Variants in APP observed in about 807,000 individuals in gnomAD.
APP encodes amyloid-beta precursor protein.
A neutral mutation model predicts 101.4 loss-of-function variants in APP; 31 were observed. The observed-to-expected ratio is 0.31, with a 90% CI of 0.23 to 0.41. The LOEUF (loss-of-function observed/expected upper bound fraction) is 0.41, where lower values mean the gene tolerates loss of function less well. APP is among the 10% of genes least tolerant of loss of function. The probability of loss-of-function intolerance (pLI) is 1.00; values close to 1 mark genes in which losing one functional copy is unlikely to be tolerated. For synonymous variants in APP, 366 were observed against 364.4 expected (o/e 1.00, Z -0.05); for missense variants, 839 against 1,003.7 (o/e 0.84, Z 2.22).
intron 16 of APP, among the ~76,000 whole-genome samples, chr21:25,895,123 T>A (rs1053994823): frequency 6.8e-6 from 1 of 147,058 alleles, no homozygotes; most frequent in African/African-American, 2.5e-5. Flanking sequence ...TTTTTTTTTT[T>A]AGACATAATG....
rs34453423 is a variant in APP, at chr21:26,126,977, C to CAA, written c.58-14833_58-14832dup. 4.1e-3 allele frequency among the ~76,000 whole-genome samples: 593 copies of CAA among 143,004 alleles called. 15 individuals carry two copies. In the East Asian group the frequency reaches 0.051, roughly 12 times the overall value. 93.8% of individuals were successfully genotyped at this position (143,004 alleles called of 152,430 possible). ...AAATACAGCCTCCCTTCCACAGAAG[C>CAA]AAAAAAAAAAAACGTTAATTTTTAA... On this transcript the variant is annotated intron_variant, in intron 1 of 17. Transcript: ENST00000346798.
At chr21:26,058,171 A>G (rs1478147078) in intron 3 of APP, among the ~76,000 whole-genome samples, 1 of 152,230 alleles carries the variant, frequency 6.6e-6, no homozygotes. Context: ...CAGAAATTCA[A>G]GACTCTGTGT....
intron 13 of APP, among the ~76,000 whole-genome samples, chr21:25,912,868 G>C (rs1168026293): frequency 6.6e-6 from 1 of 151,760 alleles, no homozygotes; most frequent in East Asian, 1.9e-4. Flanking sequence ...ACTGACCCCA[G>C]GATATGAAGA....
At chr21:25,886,767 G>T (rs1052069529) in intron 17 of APP, among the ~76,000 whole-genome samples, 6 of 144,868 alleles carry the variant, frequency 4.1e-5, no homozygotes, top group Non-Finnish European at 7.8e-5. Flanking sequence ...CCACTCCTAG[G>T]TTCTGCACCC....
chr21:26,156,239 C>G (rs1173249846), intron 1 of APP, among the ~76,000 whole-genome samples: 2 of 152,078 alleles, frequency 1.3e-5, no homozygotes, highest in African/African-American at 4.8e-5. Flanking sequence ...AAAATGAACT[C>G]GTATGAATAG....
chr21:26,120,723 AT>A (rs2062546894), intron 1 of APP, among the ~76,000 whole-genome samples: 1 of 151,936 alleles, frequency 6.6e-6, no homozygotes, highest in African/African-American at 2.4e-5. Context: ...TTTAAAAAAA[AT>A]TAAACATATT....
chr21:25,965,012 G>T (rs991985775), intron 11 of APP, among the ~76,000 whole-genome samples: 1 of 152,174 alleles, frequency 6.6e-6, no homozygotes, highest in Non-Finnish European at 1.5e-5. Flanking sequence ...AGTGAAGGCA[G>T]CATATAGAAC....
chr21:25,999,065 T>C (rs1601160505), intron 7 of APP, among the ~76,000 whole-genome samples: 1 of 152,104 alleles, frequency 6.6e-6, no homozygotes, highest in Non-Finnish European at 1.5e-5. Context: ...CCAAGGCAGG[T>C]GGATCACTTG....
chr21:25,993,456 A>G (rs1378704027), intron 8 of APP, among the ~76,000 whole-genome samples: 2 of 152,196 alleles, frequency 1.3e-5, no homozygotes, highest in Non-Finnish European at 2.9e-5. Flanking sequence ...CTTCAAACTA[A>G]GGGATTTGCT....
intron 3 of APP, among the ~76,000 whole-genome samples, chr21:26,064,673 C>G (rs1003675169): frequency 1.1e-4 from 16 of 152,140 alleles, no homozygotes; most frequent in Non-Finnish European, 2.1e-4. Flanking sequence ...ATTTAACACC[C>G]TCCCCCTAAC....
At chr21:26,083,733 C>T (rs780539078) in intron 3 of APP, among the ~76,000 whole-genome samples, 6 of 152,146 alleles carry the variant, frequency 3.9e-5, no homozygotes, top group Non-Finnish European at 5.9e-5. Context: ...CACCTATCAT[C>T]TAGGACCTAC....
chr21:25,894,451 C>T (rs1783025), intron 16 of APP, among the ~76,000 whole-genome samples: 122,058 of 152,172 alleles, frequency 0.8, 49,092 homozygotes, highest in African/African-American at 0.86. Flanking sequence ...CATCTGTGAT[C>T]CATGGGAGAT....
intron 5 of APP, among the ~76,000 whole-genome samples, chr21:26,034,650 G>GAAAAAAAAAAAAA (rs1330038404): frequency 2.7e-5 from 1 of 36,566 alleles, no homozygotes. Flanking sequence ...AAAAAAAAAA[G>GAAAAAAAAAAAAA]AAAAAGAAAA....
chr21:26,013,009 AAAAC>A (rs1247629804), intron 6 of APP, among the ~76,000 whole-genome samples: 3 of 146,786 alleles, frequency 2.0e-5, no homozygotes, highest in African/African-American at 7.9e-5. Context: ...AAAACAAAAC[AAAAC>A]AAACAAACAA....
chr21:26,098,898 T>G (rs758210057), intron 2 of APP, among the ~76,000 whole-genome samples: 1 of 152,218 alleles, frequency 6.6e-6, no homozygotes, highest in Non-Finnish European at 1.5e-5. Context: ...AGAGATGAGC[T>G]GAAACCCGCA....
intron 1 of APP, among the ~76,000 whole-genome samples, chr21:26,146,716 TTTAA>T (rs892430234): frequency 1.1e-4 from 17 of 152,350 alleles, no homozygotes; most frequent in African/African-American, 4.1e-4. Flanking sequence ...CTTGTGTATG[TTTAA>T]TTCTTTTCAT....
At chr21:25,884,155 A>G (rs1185261820) in intron 17 of APP, among the ~76,000 whole-genome samples, 2 of 152,200 alleles carry the variant, frequency 1.3e-5, no homozygotes, top group Non-Finnish European at 2.9e-5. Context: ...CTAGGACTAC[A>G]GGCATGAGCC....
chr21:26,005,769 A>G (rs1446209675), intron 6 of APP, among the ~76,000 whole-genome samples: 4 of 152,200 alleles, frequency 2.6e-5, no homozygotes, highest in Non-Finnish European at 5.9e-5. Context: ...TGAAACTTCT[A>G]AAAACATCAG....
intron 2 of APP, among the ~76,000 whole-genome samples, chr21:26,106,817 C>T (rs2062192569): frequency 6.6e-6 from 1 of 152,210 alleles, no homozygotes; most frequent in Non-Finnish European, 1.5e-5. Flanking sequence ...GGTCTTTCCT[C>T]CAGGAGTCCA....
Sources: gnomAD v4.1 joint callset for allele counts (sites outside exome capture counted in the v4.1 genomes callset) on GRCh38, gnomAD v4.1.1 for gene constraint, MANE v1.5 for transcripts, NCBI Gene and HGNC (gene_info 2026-07-23, HGNC 2026-07-21) for gene names.